RALYL: variants seen among roughly 807,000 people sequenced by gnomAD.
The protein encoded by RALYL is RNA-binding Raly-like protein.
A neutral mutation model predicts 35.1 loss-of-function variants in RALYL; 29 were observed. The ratio of observed to expected loss-of-function variants is 0.83; its 90% confidence interval spans 0.61 to 1.13. The LOEUF (loss-of-function observed/expected upper bound fraction) is 1.13. Among genes scored for constraint, RALYL ranks in the 50% most tolerant of loss-of-function variants. RALYL has a pLI of 0.00. For missense variants in RALYL, 359 were observed against 360.4 expected (o/e 1.00, Z 0.03); for synonymous variants, 120 against 127.6 (o/e 0.94, Z 0.40).
intron 1 of RALYL, among the ~76,000 whole-genome samples, chr8:84,509,021 T>G (rs1403030056): frequency 8.5e-5 from 13 of 152,168 alleles, no homozygotes; most frequent in Non-Finnish European, 1.5e-5. Flanking sequence ...TACTTTTGCT[T>G]GTTTGTATAC....
intron 2 of RALYL, among the ~76,000 whole-genome samples, chr8:84,617,089 C>G (rs918637545): frequency 2.0e-5 from 3 of 150,252 alleles, no homozygotes; most frequent in African/African-American, 7.5e-5. Context: ...TTTTTTGGTT[C>G]CATATGAACT....
chr8:84,903,729 CA>C (rs1846067391), intron 8 of RALYL, among the ~76,000 whole-genome samples: 1 of 152,154 alleles, frequency 6.6e-6, no homozygotes, highest in African/African-American at 2.4e-5. Context: ...GATGCCAAGC[CA>C]AATTTATTAA....
intron 1 of RALYL, among the ~76,000 whole-genome samples, chr8:84,189,977 A>G (rs1427339037): frequency 6.6e-6 from 1 of 152,194 alleles, no homozygotes; most frequent in East Asian, 1.9e-4. Context: ...ATGGCATCAC[A>G]TTTGTGAGTT....
chr8:84,847,357 T>G (rs377230150), intron 4 of RALYL, among the ~76,000 whole-genome samples: 84 of 152,322 alleles, frequency 5.5e-4, no homozygotes, highest in African/African-American at 1.9e-3. Flanking sequence ...GCACTTGGCA[T>G]CCCCATGCAG....
intron 1 of RALYL, among the ~76,000 whole-genome samples, chr8:84,523,279 C>T (rs1404245698): frequency 6.6e-6 from 1 of 152,016 alleles, no homozygotes; most frequent in East Asian, 1.9e-4. Flanking sequence ...CGAAACTTCC[C>T]TTTATAAAAC....
chr8:84,805,951 A>G (rs1212774297), intron 4 of RALYL, among the ~76,000 whole-genome samples: 1 of 152,200 alleles, frequency 6.6e-6, no homozygotes, highest in East Asian at 1.9e-4. Flanking sequence ...AAAAGCTGTC[A>G]TATATAGGCA....
intron 2 of RALYL, among the ~76,000 whole-genome samples, chr8:84,639,248 A>C (rs896329963): frequency 6.6e-6 from 1 of 151,744 alleles, no homozygotes; most frequent in African/African-American, 2.4e-5. Flanking sequence ...AAAAGAAAAA[A>C]CATATGGCAG....
intron 1 of RALYL, among the ~76,000 whole-genome samples, chr8:84,463,839 G>C (rs527994446): frequency 6.6e-5 from 10 of 152,090 alleles, no homozygotes; most frequent in African/African-American, 2.4e-4. Context: ...ACATAGTCAT[G>C]TACCCACAAT....
intron 4 of RALYL, 150 bp downstream of exon 4, chr8:84,804,952 T>A: frequency 2.8e-6 from 1 of 351,022 alleles, no homozygotes; most frequent in Non-Finnish European, 4.7e-6. Flanking sequence ...TATAAAGACT[T>A]AACTAAAATG....
intron 2 of RALYL, among the ~76,000 whole-genome samples, chr8:84,590,171 G>A (rs944775301): frequency 2.6e-5 from 4 of 152,194 alleles, no homozygotes; most frequent in African/African-American, 4.8e-5. Context: ...TGAAATCTGT[G>A]CAATGGTCAT....
At chr8:84,190,337 T>A (rs932718639) in intron 1 of RALYL, among the ~76,000 whole-genome samples, 11 of 152,204 alleles carry the variant, frequency 7.2e-5, no homozygotes, top group African/African-American at 2.4e-4. Flanking sequence ...GTGTAACATA[T>A]TATTTGAGGA....
At chr8:84,271,430 G>C (rs1471603022) in intron 1 of RALYL, among the ~76,000 whole-genome samples, 1 of 149,348 alleles carries the variant, frequency 6.7e-6, no homozygotes, top group Non-Finnish European at 1.5e-5. Flanking sequence ...GCAGTATTGG[G>C]GATAGTTTGC....
At chr8:84,365,552 A>C (rs1364244671) in intron 1 of RALYL, among the ~76,000 whole-genome samples, 7 of 152,232 alleles carry the variant, frequency 4.6e-5, no homozygotes, top group Non-Finnish European at 7.3e-5. Context: ...TACTGGCAGC[A>C]CTGCCACTGA....
chr8:84,251,785 GT>G (rs1330344869), intron 1 of RALYL, among the ~76,000 whole-genome samples: 1 of 151,462 alleles, frequency 6.6e-6, no homozygotes, highest in African/African-American at 2.4e-5. Context: ...CGTGCCTTTT[GT>G]TTTTTGTGTG....
intron 2 of RALYL, among the ~76,000 whole-genome samples, chr8:84,734,848 G>A (rs545989758): frequency 2.8e-4 from 42 of 151,880 alleles, no homozygotes; most frequent in South Asian, 6.2e-4. Flanking sequence ...AAAGTACCTA[G>A]GAATAAAAAT....
At chr8:84,277,994 A>G (rs949621331) in intron 1 of RALYL, among the ~76,000 whole-genome samples, 6 of 152,194 alleles carry the variant, frequency 3.9e-5, no homozygotes, top group Non-Finnish European at 8.8e-5. Context: ...ATCTTCTCAC[A>G]GCTCCACTAG....
At chr8:84,257,618 A>C (rs1319135151) in intron 1 of RALYL, among the ~76,000 whole-genome samples, 1 of 152,094 alleles carries the variant, frequency 6.6e-6, no homozygotes, top group Non-Finnish European at 1.5e-5. Context: ...CAGGTCAGAA[A>C]TTACATCATG....
At chr8:84,433,291 A>G (rs1352553088) in intron 1 of RALYL, among the ~76,000 whole-genome samples, 1 of 152,134 alleles carries the variant, frequency 6.6e-6, no homozygotes, top group Admixed American at 6.6e-5. Flanking sequence ...ATTTATGGCA[A>G]TCAGATCAGT....
chr8:84,873,084 T>C, intron 6 of RALYL, 200 bp from the exon 7 acceptor site: 1 of 422,050 alleles, frequency 2.4e-6, no homozygotes, highest in Admixed American at 4.3e-5. Context: ...CTCATGTCAC[T>C]GAGAATCCGT....
Sources: allele counts gnomAD v4.1 joint callset (sites outside exome capture counted in the v4.1 genomes callset), GRCh38; gene constraint gnomAD v4.1.1; transcripts MANE v1.5; gene names NCBI Gene and HGNC (gene_info 2026-07-23, HGNC 2026-07-21).